The following TSPAN5 variants were observed in gnomAD, a reference collection of about 807,000 sequenced individuals.
TSPAN5 encodes tetraspanin-5.
A neutral mutation model predicts 37.1 loss-of-function variants in TSPAN5; 10 were observed. The ratio of observed to expected loss-of-function variants is 0.27; its 90% confidence interval spans 0.17 to 0.46. TSPAN5 has a LOEUF of 0.46. Ranked by LOEUF, TSPAN5 falls within the 20% of genes least tolerant of loss-of-function variation. TSPAN5 has a pLI of 1.00. For synonymous variants in TSPAN5, 110 were observed against 118.9 expected (o/e 0.93, Z 0.48); for missense variants, 195 against 326.6 (o/e 0.60, Z 3.11).
chr4:98,650,903 C>T (rs1159610807), intron 1 of TSPAN5, among the ~76,000 whole-genome samples: 4 of 152,008 alleles, frequency 2.6e-5, no homozygotes, highest in African/African-American at 9.7e-5. Context: ...AAACCTAGGG[C>T]CATTTTAAAT....
rs555431937 is a variant in TSPAN5, at chr4:98,656,098, C to T, written c.81+2048G>A. Among the ~76,000 whole-genome samples the T allele has an allele frequency of 2.0e-5, 3 of 152,274 alleles. No homozygotes were observed. The East Asian group carries it at 5.8e-4, about 29-fold the overall frequency. The stretch of plus-strand genomic sequence containing the variant: ...TCACCCACCCACCTATGAAGACCTT[C>T]ACAATCAGAAAACATGCGGCTCTGT... On this transcript the variant is annotated intron_variant, in intron 1 of 7. Transcript: ENST00000305798.
At chr4:98,615,351 T>C (rs902388090) in intron 1 of TSPAN5, among the ~76,000 whole-genome samples, 7 of 152,196 alleles carry the variant, frequency 4.6e-5, no homozygotes, top group African/African-American at 1.2e-4. Flanking sequence ...TCTTAGCAAA[T>C]TGTTCCCACC....
In TSPAN5 at chr4:98,498,057, G is replaced by A. The variant is rs921434582; in HGVS notation, c.132+9621C>T. 7.2e-5 allele frequency among the ~76,000 whole-genome samples: 11 copies of A among 152,326 alleles called. No homozygotes were observed. In the South Asian group the frequency reaches 2.3e-3, roughly 32 times the overall value. On this transcript the variant is annotated intron_variant, in intron 2 of 7. Coordinates refer to ENST00000305798, the MANE Select transcript of TSPAN5 (RefSeq NM_005723.4). ...GTGGAAGCAGCTAGCAGGCTCTGGG[G>A]TGATCCGGGTGAGATCTGCTGAAGG... is the stretch of plus-strand genomic sequence containing the variant.
intron 2 of TSPAN5, among the ~76,000 whole-genome samples, 193 bp downstream of exon 2, chr4:98,507,485 A>T (rs1753504181): frequency 6.6e-6 from 1 of 152,180 alleles, no homozygotes; most frequent in Non-Finnish European, 1.5e-5. Context: ...AATTATTTTG[A>T]TGCAGTCATC....
intron 1 of TSPAN5, among the ~76,000 whole-genome samples, chr4:98,519,012 A>G (rs1364064188): frequency 6.6e-6 from 1 of 152,240 alleles, no homozygotes; most frequent in Non-Finnish European, 1.5e-5. Context: ...CCAGCACAGT[A>G]CAAAGAATGA....
At position 98,584,010 on chromosome 4, in the gene TSPAN5, A is replaced by AC. The variant is rs766078827; in HGVS notation, c.81+74135dup. Among the ~76,000 whole-genome samples the AC allele has an allele frequency of 3.1e-4, 47 of 151,680 alleles. 1 individual carries two copies. Among genetic ancestry groups the AC allele is most frequent in the Non-Finnish European group, 8.8e-5 (6 of 67,924 alleles). ...CACTCCCACCTTCCAGTCTCAAATAACCCCCCATTCCAAAGGCCAGGGGAC... is the reference window on the plus strand; with the variant it reads ...CACTCCCACCTTCCAGTCTCAAATAACCCCCCCATTCCAAAGGCCAGGGGAC... On this transcript the variant is annotated intron_variant, in intron 1 of 7. Coordinates refer to ENST00000305798, the MANE Select transcript of TSPAN5 (RefSeq NM_005723.4).
intron 1 of TSPAN5, among the ~76,000 whole-genome samples, chr4:98,614,707 A>G (rs967346806): frequency 6.6e-6 from 1 of 152,252 alleles, no homozygotes; most frequent in Non-Finnish European, 1.5e-5. Flanking sequence ...GATTTATAAA[A>G]TGTATTAATT....
intron 1 of TSPAN5, among the ~76,000 whole-genome samples, chr4:98,522,547 G>A (rs746677381): frequency 7.2e-5 from 11 of 152,154 alleles, no homozygotes; most frequent in South Asian, 2.1e-4. Context: ...CTGAACTGAC[G>A]TCATCTTTCT....
chr4:98,485,601 C>A lies in TSPAN5; in HGVS notation c.279+1137G>T, dbSNP rs919692591. ...CAGGTTAAATAGCCTCCAAAAACTT[C>A]TCCGAGACAGAGCTGCTCAGAAATG... On this transcript the variant is annotated intron_variant, in intron 3 of 7. Coordinates refer to ENST00000305798, the MANE Select transcript of TSPAN5 (RefSeq NM_005723.4). 7 of 152,020 alleles carry A rather than the reference C, an allele frequency of 4.6e-5. No individual in the cohort carries two copies. The East Asian group carries it at 7.7e-4, about 17-fold the overall frequency. The allele number at this position is 152,020 out of a possible 1,614,324, so 9.4% of individuals were successfully genotyped here. A position where few individuals can be genotyped will look rare whatever the true frequency, so the allele number is the denominator to read the frequency against.
At chr4:98,558,918 T>A (rs1371250533) in intron 1 of TSPAN5, among the ~76,000 whole-genome samples, 1 of 152,188 alleles carries the variant, frequency 6.6e-6, no homozygotes, top group East Asian at 1.9e-4. Flanking sequence ...TCTTGTTTAA[T>A]CTCCCAGCAC....
At chr4:98,572,016 C>A (rs1458945918) in intron 1 of TSPAN5, among the ~76,000 whole-genome samples, 1 of 152,156 alleles carries the variant, frequency 6.6e-6, no homozygotes, top group East Asian at 1.9e-4. Context: ...CTCTGTCACC[C>A]AGGCTGGAGT....
At chr4:98,498,918 T>A (rs774625798) in intron 2 of TSPAN5, among the ~76,000 whole-genome samples, 41 of 152,166 alleles carry the variant, frequency 2.7e-4, no homozygotes, top group Non-Finnish European at 5.6e-4. Context: ...CAGATGAGTA[T>A]GTCCTGGAGA....
At position 98,479,113 on chromosome 4, in the gene TSPAN5, T is replaced by C. The variant is rs72896389; in HGVS notation, c.451-303A>G. 4.8e-3 allele frequency among the ~76,000 whole-genome samples: 731 copies of C among 152,264 alleles called. 7 individuals are homozygous for C. The highest frequency in any genetic ancestry group is 0.017 in the African/African-American group (707 of 41,544). On this transcript the variant is annotated intron_variant, in intron 4 of 7. Transcript: ENST00000305798. ...CAGTTAGAACAAGATCTGTTTGGCTTGGGCACGTCATTCTAGAAGGAGAAA... is the reference window on the plus strand; with the variant it reads ...CAGTTAGAACAAGATCTGTTTGGCTCGGGCACGTCATTCTAGAAGGAGAAA...
chr4:98,481,858 C>T (rs552406970), intron 4 of TSPAN5, 147 bp downstream of exon 4: 16 of 739,800 alleles, frequency 2.2e-5, no homozygotes, highest in East Asian at 5.5e-5. Context: ...CAGAGCAAGT[C>T]GGAAAATAAT....
At chr4:98,569,301 T>C (rs563149907) in intron 1 of TSPAN5, among the ~76,000 whole-genome samples, 4 of 152,318 alleles carry the variant, frequency 2.6e-5, no homozygotes, top group African/African-American at 9.6e-5. Flanking sequence ...TGGTTTTATA[T>C]ATCCACTTCC....
intron 1 of TSPAN5, among the ~76,000 whole-genome samples, chr4:98,553,425 T>C (rs978805609): frequency 2.6e-5 from 4 of 152,212 alleles, no homozygotes; most frequent in African/African-American, 9.6e-5. Context: ...AATAATCATA[T>C]GCATTTCCTA....
chr4:98,515,422 C>T (rs1490865803), intron 1 of TSPAN5, among the ~76,000 whole-genome samples: 3 of 152,148 alleles, frequency 2.0e-5, no homozygotes, highest in Non-Finnish European at 4.4e-5. Flanking sequence ...CCCTCCAACC[C>T]TGCCATCTAC....
At chr4:98,608,449 C>G (rs1225351475) in intron 1 of TSPAN5, among the ~76,000 whole-genome samples, 1 of 152,132 alleles carries the variant, frequency 6.6e-6, no homozygotes, top group Admixed American at 6.5e-5. Context: ...CACATGGAGT[C>G]CCTTCTGAGC....
intron 1 of TSPAN5, among the ~76,000 whole-genome samples, chr4:98,630,044 C>T (rs1490266366): frequency 6.6e-6 from 1 of 152,220 alleles, no homozygotes; most frequent in Non-Finnish European, 1.5e-5. Flanking sequence ...AACATATGCA[C>T]TGACTGCATT....
Sources: allele counts gnomAD v4.1 joint callset (sites outside exome capture counted in the v4.1 genomes callset), GRCh38; gene constraint gnomAD v4.1.1; transcripts MANE v1.5; gene names NCBI Gene and HGNC (gene_info 2026-07-23, HGNC 2026-07-21).